ZNF32: variants seen among roughly 807,000 people sequenced by gnomAD.
ZNF32 encodes C2H2-546.
Under a neutral mutation model 24.4 loss-of-function variants are expected in ZNF32, and 13 were observed. The observed-to-expected ratio is 0.53, with a 90% CI of 0.35 to 0.85. ZNF32 has a LOEUF of 0.85. Ranked by LOEUF, ZNF32 falls within the 40% of genes least tolerant of loss-of-function variation. The probability of loss-of-function intolerance (pLI) is 0.01; values close to 1 mark genes in which losing one functional copy is unlikely to be tolerated. For missense variants in ZNF32, 239 were observed against 325.3 expected (o/e 0.73, Z 2.04); for synonymous variants, 115 against 117.4 (o/e 0.98, Z 0.13).
chr10:43,645,874 A>G (rs1839268678), intron 2 of ZNF32, 190 bp downstream of exon 2: 1 of 1,276,240 alleles, frequency 7.8e-7, no homozygotes, highest in Non-Finnish European at 1.0e-6. Context: ...CCATATCAAG[A>G]TGGTTCTCTT....
chr10:43,645,803 C>T, intron 2 of ZNF32: 1 of 508,022 alleles, frequency 2.0e-6, no homozygotes, highest in Non-Finnish European at 3.0e-6. Context: ...TTGCCTTATT[C>T]AGAGACAGTG....
At chr10:43,648,396 TCTC>T (rs1407965357) in intron 1 of ZNF32, among the ~76,000 whole-genome samples, 1 of 151,966 alleles carries the variant, frequency 6.6e-6, no homozygotes, top group African/African-American at 2.4e-5. Context: ...AGGGGCTGCC[TCTC>T]CTCCCACCCC....
chr10:43,648,770 G>C (rs1193109752), intron 1 of ZNF32, 32 bp downstream of exon 1: 1 of 147,482 alleles, frequency 6.8e-6, no homozygotes, highest in African/African-American at 2.4e-5. Context: ...GCCTTGCCCC[G>C]GCGCTCTGAC....
In ZNF32 at chr10:43,644,710, C is replaced by T; in HGVS notation, c.162G>A (p.Lys54=). ...TCGAATCTGGGGATTTTTGTTCCAG[C>T]TTCTCTCTTCTGAAAGAATTTTGGA... The part of the protein sequence containing the change: ...WDIQNSFRRE[K]LEQKSPDSKT... The change falls in exon 3 of 3, where the codon AAG becomes AAA. Residue 54 remains lysine (K), a synonymous_variant. Transcript: ENST00000374433. The surrounding 1 kb of genome is among the most constrained non-coding windows in gnomAD (Gnocchi z 5.3). 1 of 1,614,132 alleles carries T rather than the reference C, an allele frequency of 6.2e-7. No individual in the cohort carries two copies. Among genetic ancestry groups the T allele is most frequent in the Non-Finnish European group, 8.5e-7 (1 of 1,180,020 alleles).
At chr10:43,646,949 T>C (rs1001261314) in intron 1 of ZNF32, among the ~76,000 whole-genome samples, 2 of 152,204 alleles carry the variant, frequency 1.3e-5, no homozygotes, top group African/African-American at 2.4e-5. Context: ...TAGTTCCTAA[T>C]CACTAAAGAG....
Position 43,646,118 on chromosome 10 carries a change from T to C in ZNF32, c.16A>G (p.Thr6Ala), listed in dbSNP as rs1157624139. The C allele has an allele frequency of 5.0e-6, 8 of 1,614,038 alleles. No individual in the cohort carries two copies. The highest frequency in any genetic ancestry group is 6.8e-6 in the Non-Finnish European group (8 of 1,180,024). Residue 6 changes from threonine (T) to alanine (A), a missense_variant, in exon 2 of 3, where the codon ACA becomes GCA. Physicochemically the swap from Thr to Ala is moderately conservative, Grantham distance 58. Transcript: ENST00000374433. ...CCATGACAGTCCAGCAGGGTAGCTG[T>C]TGGAAATCCAAACATGTCCACTCCT... MFGFP[T>A]ATLLDCHGRY...
At position 43,643,986 on chromosome 10, in the gene ZNF32, T is replaced by C. The variant is rs1029588494; in HGVS notation, c.*64A>G. On this transcript the variant is annotated 3_prime_UTR_variant, in exon 3 of 3. Coordinates refer to ENST00000374433, the MANE Select transcript of ZNF32 (RefSeq NM_006973.3). ...CATTCATTCCATAGAACTGGATAGG[T>C]TGCTTCATCTCAGAGGATTTTGTAC... 2.9e-5 allele frequency: 44 copies of C among 1,503,802 alleles called. No individual in the cohort carries two copies. Among genetic ancestry groups the C allele is most frequent in the Non-Finnish European group, 3.3e-5 (37 of 1,124,194 alleles). 93.2% of individuals were successfully genotyped at this position (1,503,802 alleles called of 1,614,324 possible). A position where few individuals can be genotyped will look rare whatever the true frequency, so the allele number is the denominator to read the frequency against.
chr10:43,644,873 A>T lies in ZNF32; in HGVS notation c.71-72T>A. 6.7e-7 allele frequency: 1 copy of T among 1,492,066 alleles called. No individual in the cohort carries two copies. Among genetic ancestry groups the T allele is most frequent in the Non-Finnish European group, 9.0e-7 (1 of 1,113,468 alleles). The allele number at this position is 1,492,066 out of a possible 1,614,324, so 92.4% of individuals were successfully genotyped here. On this transcript the variant is annotated intron_variant, in intron 2 of 2. Transcript: ENST00000374433. This position sits in a 1 kb window ranked among gnomAD's most constrained non-coding sequence, Gnocchi z 5.3. ...AGTTAGAATAGGGAAAAAGAAACAT[A>T]ATACTTTGAGTGCTTATGATGTGCC...
At chr10:43,646,540 T>C (rs1237513352) in intron 1 of ZNF32, among the ~76,000 whole-genome samples, 1 of 152,186 alleles carries the variant, frequency 6.6e-6, no homozygotes, top group Non-Finnish European at 1.5e-5. Flanking sequence ...CACCTACTAC[T>C]TTCTTCCCTC....
At position 43,644,020 on chromosome 10, in the gene ZNF32, C is replaced by A; in HGVS notation, c.*30G>T. ...CTCAGAGGATTTTGTACTCTTAATT[C>A]ATAAAGAGAACTTCTCTTCAGGAAA... On this transcript the variant is annotated 3_prime_UTR_variant, in exon 3 of 3. Coordinates refer to ENST00000374433, the MANE Select transcript of ZNF32 (RefSeq NM_006973.3). This position sits in a 1 kb window ranked among gnomAD's most constrained non-coding sequence, Gnocchi z 5.3. 1 of 1,574,862 alleles carries A rather than the reference C, an allele frequency of 6.3e-7. No individual in the cohort carries two copies. Among genetic ancestry groups the A allele is most frequent in the South Asian group, 1.2e-5 (1 of 83,630 alleles).
chr10:43,644,226 G>T lies in ZNF32; in HGVS notation c.646C>A (p.Pro216Thr). The T allele has an allele frequency of 6.2e-7, 1 of 1,614,188 alleles. No individual in the cohort carries two copies. Among genetic ancestry groups the T allele is most frequent in the South Asian group, 1.1e-5 (1 of 91,084 alleles). Residue 216 changes from proline (P) to threonine (T), a missense_variant, in exon 3 of 3, where the codon CCC becomes ACC. Transcript: ENST00000374433. This position sits in a 1 kb window ranked among gnomAD's most constrained non-coding sequence, Gnocchi z 5.3. ...TTCCTGCACTGGGTACAGGCATAGG[G>T]CTTCAGGCCTGTGTGGACTCTGATG... The part of the protein sequence containing the change: ...VHIRVHTGLK[P>T]YACTQCRKSF...
Position 43,644,382 on chromosome 10 carries a change from C to T in ZNF32, c.490G>A (p.Ala164Thr). 1 of 1,613,474 alleles carries T rather than the reference C, an allele frequency of 6.2e-7. No homozygotes were observed. The highest frequency in any genetic ancestry group is 8.5e-7 in the Non-Finnish European group (1 of 1,179,642). ...LHTGQKPYEC[A>T]ICQRSFRNQS... ...TTCCTGAAGCTTCTCTGACAAATAG[C>T]ACACTCGTAGGGTTTCTGTCCAGTG... is the stretch of plus-strand genomic sequence containing the variant. The change falls in exon 3 of 3, where the codon GCT (alanine) becomes ACT (threonine). Residue 164 changes from alanine (A) to threonine (T), a missense_variant. Coordinates refer to ENST00000374433, the MANE Select transcript of ZNF32 (RefSeq NM_006973.3). The surrounding 1 kb of genome is among the most constrained non-coding windows in gnomAD (Gnocchi z 5.3).
intron 1 of ZNF32, among the ~76,000 whole-genome samples, chr10:43,648,298 G>A (rs540742400): frequency 1.3e-5 from 2 of 152,330 alleles, no homozygotes; most frequent in East Asian, 3.9e-4. Flanking sequence ...TTGGCGGTCT[G>A]GAAAATGTCC....
At chr10:43,647,238 TAAA>T (rs1839333506) in intron 1 of ZNF32, 1 of 152,112 alleles carries the variant, frequency 6.6e-6, no homozygotes, top group Non-Finnish European at 1.5e-5. Context: ...GGCTAATTTT[TAAA>T]AATTATTTTA....
chr10:43,648,189 G>C (rs941585195), intron 1 of ZNF32, among the ~76,000 whole-genome samples: 1 of 152,148 alleles, frequency 6.6e-6, no homozygotes, highest in Non-Finnish European at 1.5e-5. Context: ...AGGACAATGA[G>C]AAGGAAAGAA....
intron 1 of ZNF32, chr10:43,647,358 GCTACTACACCTGGCCCA>G (rs1839339443): frequency 6.6e-6 from 1 of 151,970 alleles, no homozygotes; most frequent in African/African-American, 2.4e-5. Flanking sequence ...GTAGGCATGA[GCTACTACACCTGGCCCA>G]CATGATCTAT....
At position 43,644,946 on chromosome 10, in the gene ZNF32, G is replaced by T; in HGVS notation, c.71-145C>A. The T allele has an allele frequency of 1.1e-6, 1 of 946,476 alleles. No individual in the cohort carries two copies. Among genetic ancestry groups the T allele is most frequent in the Non-Finnish European group, 1.5e-6 (1 of 650,664 alleles). The allele number at this position is 946,476 out of a possible 1,614,324, so 58.6% of individuals were successfully genotyped here. A position where few individuals can be genotyped will look rare whatever the true frequency, so the allele number is the denominator to read the frequency against. On this transcript the variant is annotated intron_variant, in intron 2 of 2. Transcript: ENST00000374433. The surrounding 1 kb of genome is among the most constrained non-coding windows in gnomAD (Gnocchi z 5.3). ...AATGCAATCCTGAAAACAATGCCATGAGAGTGATACAGATAATGGGAGCAA... is the reference window on the plus strand; with the variant it reads ...AATGCAATCCTGAAAACAATGCCATTAGAGTGATACAGATAATGGGAGCAA...
At chr10:43,647,660 AC>A (rs1273984075) in intron 1 of ZNF32, 1 of 152,230 alleles carries the variant, frequency 6.6e-6, no homozygotes, top group East Asian at 1.9e-4. Flanking sequence ...CTCACTTCCA[AC>A]TTGGAACACA....
intron 2 of ZNF32, among the ~76,000 whole-genome samples, chr10:43,645,404 G>A (rs1839251895): frequency 1.3e-5 from 2 of 152,212 alleles, no homozygotes; most frequent in South Asian, 4.1e-4. Flanking sequence ...CAGAAAATAT[G>A]TAGCACAATC....
Sources: gnomAD v4.1 joint callset for allele counts (sites outside exome capture counted in the v4.1 genomes callset) on GRCh38, gnomAD v4.1.1 for gene constraint, Gnocchi (gnomAD v3.1) non-coding constraint, MANE v1.5 for transcripts, NCBI Gene and HGNC (gene_info 2026-07-23, HGNC 2026-07-21) for gene names.